UNC13C: variants seen among roughly 807,000 people sequenced by gnomAD.
The protein encoded by UNC13C is unc-13 homolog C.
A neutral mutation model predicts 245.4 loss-of-function variants in UNC13C; 174 were observed. The observed-to-expected ratio is 0.71, with a 90% CI of 0.63 to 0.80. The LOEUF (loss-of-function observed/expected upper bound fraction) is 0.80, where lower values mean the gene tolerates loss of function less well. Ranked by LOEUF, UNC13C falls within the 30% of genes least tolerant of loss-of-function variation. The pLI, the probability that UNC13C is intolerant of heterozygous loss-of-function variation, is 0.00. For synonymous variants in UNC13C, 992 were observed against 895.1 expected (o/e 1.11, Z -1.93); for missense variants, 2,829 against 2,602.9 (o/e 1.09, Z -1.89).
chr15:54,411,929 C>T (rs2040424108), intron 18 of UNC13C, among the ~76,000 whole-genome samples: 2 of 152,024 alleles, frequency 1.3e-5, no homozygotes, highest in African/African-American at 2.4e-5. Context: ...TCTGTAAATA[C>T]AATATATTGA....
At chr15:54,058,797 C>G (rs561038216) in intron 2 of UNC13C, among the ~76,000 whole-genome samples, 2 of 152,288 alleles carry the variant, frequency 1.3e-5, no homozygotes, top group African/African-American at 4.8e-5. Context: ...GGATGCAAGG[C>G]TGGTTCAACA....
rs192737064 is a variant in UNC13C, at chr15:54,403,622, G to A, written c.4847+10441G>A. On this transcript the variant is annotated intron_variant, in intron 18 of 32. Transcript: ENST00000260323. ...TCCCAGCTATTAGGGAGGCTGAGGC[G>A]GAAGGATCTGCTTGAACCCAGGAGG... Among the ~76,000 whole-genome samples, 15 of 148,094 alleles carry A rather than the reference G, an allele frequency of 1.0e-4. 1 individual carries two copies. In the East Asian group the frequency reaches 1.8e-3, roughly 18 times the overall value.
intron 25 of UNC13C, among the ~76,000 whole-genome samples, chr15:54,531,569 C>T (rs1011183381): frequency 1.3e-5 from 2 of 151,436 alleles, no homozygotes; most frequent in Admixed American, 6.6e-5. Context: ...CCTGTGAGGT[C>T]AGAGGAAAGC....
chr15:53,982,493 G>A (rs971889880), intron 1 of UNC13C, among the ~76,000 whole-genome samples: 2 of 152,098 alleles, frequency 1.3e-5, no homozygotes, highest in African/African-American at 2.4e-5. Flanking sequence ...CTGAAAGGGG[G>A]CACTGATGAT....
At chr15:54,318,983 G>A (rs773961600) in intron 13 of UNC13C, among the ~76,000 whole-genome samples, 39 of 151,706 alleles carry the variant, frequency 2.6e-4, no homozygotes, top group Non-Finnish European at 4.6e-4. Context: ...TCTCAAGGTG[G>A]CAGCTAAAAA....
intron 2 of UNC13C, among the ~76,000 whole-genome samples, chr15:54,134,187 A>C (rs1301757905): frequency 6.6e-6 from 1 of 151,922 alleles, no homozygotes; most frequent in Non-Finnish European, 1.5e-5. Flanking sequence ...CTTATAACTG[A>C]AAGTTTGTAC....
chr15:53,931,068 C>A, the UNC13C span, among the ~76,000 whole-genome samples: 1 of 152,194 alleles, frequency 6.6e-6, no homozygotes, highest in Non-Finnish European at 1.5e-5. Flanking sequence ...CTGTCGAATG[C>A]CATTCAATGA....
intron 27 of UNC13C, among the ~76,000 whole-genome samples, chr15:54,548,208 C>CTTTTTTTTTTTTTTT (rs60975842): frequency 1.6e-5 from 1 of 61,940 alleles, no homozygotes; most frequent in African/African-American, 4.4e-5. Flanking sequence ...GTTTCTTTTG[C>CTTTTTTTTTTTTTTT]TTTTTTTTTT....
At chr15:54,572,666 T>A (rs796418553) in intron 30 of UNC13C, among the ~76,000 whole-genome samples, 10 of 152,220 alleles carry the variant, frequency 6.6e-5, no homozygotes, top group African/African-American at 2.2e-4. Context: ...CCCCAGGTGA[T>A]CTGCCCACGT....
chr15:54,060,313 G>C (rs1897753505), intron 2 of UNC13C, among the ~76,000 whole-genome samples: 1 of 152,164 alleles, frequency 6.6e-6, no homozygotes, highest in African/African-American at 2.4e-5. Context: ...CAAAGGATAT[G>C]AACAGACACT....
intron 19 of UNC13C, among the ~76,000 whole-genome samples, chr15:54,457,892 G>GTTTTTTTTTTTTT: frequency 8.1e-6 from 1 of 122,986 alleles, no homozygotes; most frequent in Non-Finnish European, 1.6e-5. Flanking sequence ...TCTGCTTTTC[G>GTTTTTTTTTTTTT]TTTTTTTTTT....
At chr15:54,456,593 TA>T (rs1156889099) in intron 19 of UNC13C, among the ~76,000 whole-genome samples, 2 of 64,350 alleles carry the variant, frequency 3.1e-5, no homozygotes, top group Non-Finnish European at 7.0e-5. Flanking sequence ...CTATGTATTT[TA>T]TTTATTTATT....
chr15:54,072,644 A>G lies in UNC13C; in HGVS notation c.2983+56758A>G, dbSNP rs115543577. Among the ~76,000 whole-genome samples, 121 of 152,294 alleles carry G rather than the reference A, an allele frequency of 7.9e-4. 1 individual carries two copies. The highest frequency in any genetic ancestry group is 2.6e-3 in the African/African-American group (108 of 41,572). Reference sequence around the variant, plus strand: ...TAATGATTTTAAAGGGAAGTTCAGTATAAGGTAGGCAGAGATAAGATGGGA... The same window carrying G: ...TAATGATTTTAAAGGGAAGTTCAGTGTAAGGTAGGCAGAGATAAGATGGGA... On this transcript the variant is annotated intron_variant, in intron 2 of 32. Coordinates refer to ENST00000260323, the MANE Select transcript of UNC13C (RefSeq NM_001080534.3).
chr15:53,913,151 T>C, the UNC13C span: 1 of 152,246 alleles, frequency 6.6e-6, no homozygotes, highest in South Asian at 2.1e-4. Flanking sequence ...TATATTCACT[T>C]CTGATTCTCT....
intron 19 of UNC13C, among the ~76,000 whole-genome samples, chr15:54,424,459 G>A (rs1296778595): frequency 6.6e-6 from 1 of 151,828 alleles, no homozygotes; most frequent in Non-Finnish European, 1.5e-5. Flanking sequence ...ATGACCTCCT[G>A]TTGGTTCTGT....
chr15:54,437,594 A>G (rs955964317), intron 19 of UNC13C, among the ~76,000 whole-genome samples: 5 of 151,900 alleles, frequency 3.3e-5, no homozygotes, highest in Admixed American at 2.6e-4. Flanking sequence ...TTAATGATAC[A>G]ATAGCTTTTG....
At chr15:53,991,625 T>C (rs1474102320) in intron 1 of UNC13C, among the ~76,000 whole-genome samples, 2 of 151,978 alleles carry the variant, frequency 1.3e-5, no homozygotes, top group East Asian at 3.9e-4. Context: ...AATTAAACAA[T>C]CTCTGTGGAG....
intron 23 of UNC13C, among the ~76,000 whole-genome samples, chr15:54,507,902 AG>A (rs1299388556): frequency 1.3e-5 from 2 of 151,954 alleles, no homozygotes; most frequent in Admixed American, 6.6e-5. Context: ...TTTAAAAAAA[AG>A]AAAAACCAGT....
intron 11 of UNC13C, among the ~76,000 whole-genome samples, 173 bp from the exon 12 acceptor site, chr15:54,297,638 G>A (rs1039568006): frequency 5.3e-5 from 8 of 152,216 alleles, no homozygotes; most frequent in African/African-American, 1.7e-4. Flanking sequence ...ATAGGCAAGA[G>A]CTACCACATA....
Sources: allele counts gnomAD v4.1 joint callset (sites outside exome capture counted in the v4.1 genomes callset), GRCh38; gene constraint gnomAD v4.1.1; transcripts MANE v1.5; gene names NCBI Gene and HGNC (gene_info 2026-07-23, HGNC 2026-07-21).